Variants in DTD1 observed in about 807,000 individuals in gnomAD.
The protein encoded by DTD1 is D-tyrosyl-tRNA deacylase 1 homolog.
A neutral mutation model predicts 25.6 loss-of-function variants in DTD1; 13 were observed. The ratio of observed to expected loss-of-function variants is 0.51; its 90% confidence interval spans 0.33 to 0.81. The LOEUF is 0.81. Among genes scored for constraint, DTD1 ranks in the 30% least tolerant of loss-of-function variants. DTD1 has a pLI of 0.02. For synonymous variants in DTD1, 110 were observed against 103.6 expected (o/e 1.06, Z -0.37); for missense variants, 193 against 266.4 (o/e 0.72, Z 1.92).
chr20:18,742,063 A>G (rs1031477259), intron 4 of DTD1, among the ~76,000 whole-genome samples: 2 of 152,060 alleles, frequency 1.3e-5, no homozygotes, highest in African/African-American at 4.8e-5. Context: ...TGATATATGT[A>G]GATCTACTGT....
intron 5 of DTD1, among the ~76,000 whole-genome samples, chr20:18,756,140 G>A (rs1448635768): frequency 6.6e-6 from 1 of 152,124 alleles, no homozygotes; most frequent in African/African-American, 2.4e-5. Context: ...TTGTAAATTT[G>A]TTTAAGTTCA....
intron 2 of DTD1, 87 bp from the exon 3 acceptor site, chr20:18,595,919 C>A: frequency 8.7e-7 from 1 of 1,152,878 alleles, no homozygotes; most frequent in Non-Finnish European, 1.3e-6. Flanking sequence ...CTTATTTGAC[C>A]GGAAGCTGGT....
chr20:18,718,907 G>A lies in DTD1; in HGVS notation c.478-25193G>A, dbSNP rs116153494. Among the ~76,000 whole-genome samples the A allele has an allele frequency of 5.0e-3, 760 of 152,318 alleles. 9 individuals are homozygous for A. The highest frequency in any genetic ancestry group is 0.018 in the African/African-American group (732 of 41,574). On this transcript the variant is annotated intron_variant, in intron 4 of 5. Coordinates refer to ENST00000377452, the MANE Select transcript of DTD1 (RefSeq NM_080820.6). ...GCCTTGGCTGGAGGCTGGACCAAAA[G>A]CCTGACTTGCCACACCTTCTGCCCT... is the stretch of plus-strand genomic sequence containing the variant.
chr20:18,636,994 G>GAGT (rs960287147), intron 4 of DTD1, among the ~76,000 whole-genome samples: 1 of 152,194 alleles, frequency 6.6e-6, no homozygotes, highest in Non-Finnish European at 1.5e-5. Flanking sequence ...GAAGGCAGAA[G>GAGT]AGTAGCCCAT....
At chr20:18,708,199 ATATATATTTTATATATAT>A (rs2061135223) in intron 4 of DTD1, among the ~76,000 whole-genome samples, 2 of 28,660 alleles carry the variant, frequency 7.0e-5, no homozygotes, top group African/African-American at 8.8e-5. Context: ...TATATATTAT[ATATATATTTTATATATAT>A]AATATATATA....
At position 18,750,399 on chromosome 20, in the gene DTD1, T is replaced by C. The variant is rs529425489; in HGVS notation, c.*19+6128T>C. On this transcript the variant is annotated intron_variant, in intron 5 of 5. Coordinates refer to ENST00000377452, the MANE Select transcript of DTD1 (RefSeq NM_080820.6). ...CTCACTATGAAGGGAGTAGCACTTT[T>C]CATTTGCTTTTCTTTAAATACAGAA... Among the ~76,000 whole-genome samples, 195 of 152,332 alleles carry C rather than the reference T, an allele frequency of 1.3e-3. 1 individual carries two copies. Among genetic ancestry groups the C allele is most frequent in the African/African-American group, 4.6e-3 (191 of 41,570 alleles).
chr20:18,588,882 C>T, intron 1 of DTD1: 6 of 984,758 alleles, frequency 6.1e-6, no homozygotes, highest in South Asian at 9.4e-5. Flanking sequence ...AAGAAAACCA[C>T]GGTACGAAAG....
intron 4 of DTD1, among the ~76,000 whole-genome samples, chr20:18,743,673 C>CAAAAAAAAAAAAAAAAAA (rs11474877): frequency 9.5e-6 from 1 of 105,108 alleles, no homozygotes; most frequent in African/African-American, 3.9e-5. Flanking sequence ...GACCCTGTCT[C>CAAAAAAAAAAAAAAAAAA]AAAAAAAAAA....
intron 4 of DTD1, among the ~76,000 whole-genome samples, chr20:18,686,601 AT>A (rs779329095): frequency 6.6e-6 from 1 of 150,408 alleles, no homozygotes; most frequent in South Asian, 2.1e-4. Flanking sequence ...TTTACATGTC[AT>A]TTCTTATATG....
intron 4 of DTD1, among the ~76,000 whole-genome samples, chr20:18,641,807 G>T (rs534040669): frequency 6.6e-6 from 1 of 152,216 alleles, no homozygotes; most frequent in Non-Finnish European, 1.5e-5. Context: ...CTCTCATCCT[G>T]TGGATTACCT....
intron 4 of DTD1, among the ~76,000 whole-genome samples, chr20:18,643,856 G>A (rs2060840010): frequency 6.6e-6 from 1 of 152,168 alleles, no homozygotes; most frequent in South Asian, 2.1e-4. Flanking sequence ...CAGGGTGTAT[G>A]TGTGTATGTG....
intron 4 of DTD1, among the ~76,000 whole-genome samples, chr20:18,633,658 G>A (rs1485727702): frequency 2.0e-5 from 3 of 152,218 alleles, no homozygotes; most frequent in Non-Finnish European, 2.9e-5. Context: ...GGCCTCCCAG[G>A]GGACCGGAGG....
intron 4 of DTD1, among the ~76,000 whole-genome samples, chr20:18,703,097 G>A (rs2061112381): frequency 6.6e-6 from 1 of 152,172 alleles, no homozygotes; most frequent in Admixed American, 6.5e-5. Context: ...TGTTCAGAAT[G>A]TAAATCTTCT....
At chr20:18,621,881 G>A (rs532466091) in intron 3 of DTD1, among the ~76,000 whole-genome samples, 23 of 152,140 alleles carry the variant, frequency 1.5e-4, no homozygotes, top group African/African-American at 5.1e-4. Context: ...TGGCTAACAC[G>A]GTGAAACCCT....
intron 4 of DTD1, among the ~76,000 whole-genome samples, chr20:18,648,491 TA>T (rs1294875900): frequency 2.6e-5 from 4 of 152,130 alleles, no homozygotes. Context: ...AGGTCATCCA[TA>T]GGCTGAATTA....
chr20:18,692,209 C>T (rs1387312395), intron 4 of DTD1, among the ~76,000 whole-genome samples: 1 of 152,176 alleles, frequency 6.6e-6, no homozygotes, highest in Admixed American at 6.5e-5. Flanking sequence ...TAATGATCTC[C>T]ATCTTTCATG....
intron 4 of DTD1, among the ~76,000 whole-genome samples, chr20:18,692,446 G>C (rs1306626961): frequency 6.6e-6 from 1 of 152,180 alleles, no homozygotes; most frequent in East Asian, 1.9e-4. Context: ...GGGCAGGCTA[G>C]GGGGAGAAGA....
intron 4 of DTD1, among the ~76,000 whole-genome samples, chr20:18,644,040 A>G (rs1170601939): frequency 6.6e-6 from 1 of 152,192 alleles, no homozygotes; most frequent in Admixed American, 6.5e-5. Context: ...TCCTATGAAT[A>G]TACTGCATTT....
chr20:18,732,782 G>A (rs556685991), intron 4 of DTD1, among the ~76,000 whole-genome samples: 18 of 152,354 alleles, frequency 1.2e-4, no homozygotes, highest in African/African-American at 3.8e-4. Context: ...TAATAAAAAT[G>A]TGACAAGATT....
Sources: allele counts gnomAD v4.1 joint callset (sites outside exome capture counted in the v4.1 genomes callset), GRCh38; gene constraint gnomAD v4.1.1; transcripts MANE v1.5; gene names NCBI Gene and HGNC (gene_info 2026-07-23, HGNC 2026-07-21).